The following CHST10 variants were observed in gnomAD, a reference collection of about 807,000 sequenced individuals.
The protein encoded by CHST10 is HNK-1 sulfotransferase.
Under a neutral mutation model 34.7 loss-of-function variants are expected in CHST10, and 24 were observed. The ratio of observed to expected loss-of-function variants is 0.69; its 90% CI spans 0.50 to 0.97. The LOEUF (loss-of-function observed/expected upper bound fraction) is 0.97. CHST10 is among the 50% of genes least tolerant of loss of function. The pLI is 0.00. For missense variants in CHST10, 402 were observed against 452.1 expected, an observed-to-expected ratio of 0.89 and a Z score of 1.00; for synonymous variants, 161 against 169.3, an observed-to-expected ratio of 0.95 and a Z score of 0.38.
intron 4 of CHST10, among the ~76,000 whole-genome samples, chr2:100,399,864 C>T (rs1045896171): frequency 1.3e-5 from 2 of 152,304 alleles, no homozygotes; most frequent in Admixed American, 1.3e-4. Context: ...GCGAGAGGCC[C>T]CTTTGCAGAG....
At chr2:100,407,662 C>G (rs1231296681) in intron 2 of CHST10, 1 of 152,214 alleles carries the variant, frequency 6.6e-6, no homozygotes, top group African/African-American at 2.4e-5. Flanking sequence ...AATCACTCTC[C>G]TTGTCTCAAC....
At chr2:100,412,148 T>G (rs900315897) in intron 2 of CHST10, among the ~76,000 whole-genome samples, 1 of 152,136 alleles carries the variant, frequency 6.6e-6, no homozygotes, top group Non-Finnish European at 1.5e-5. Context: ...AAAAAGCAAA[T>G]GCCCACTCAG....
intron 1 of CHST10, chr2:100,416,912 C>A: frequency 8.0e-7 from 1 of 1,255,796 alleles, no homozygotes; most frequent in Non-Finnish European, 1.1e-6. Flanking sequence ...CTCCTGACAG[C>A]GAAGATCAGA....
chr2:100,410,550 C>A (rs1675788742), intron 2 of CHST10, among the ~76,000 whole-genome samples: 1 of 152,204 alleles, frequency 6.6e-6, no homozygotes, highest in African/African-American at 2.4e-5. Flanking sequence ...TGGAAAGGTA[C>A]TTCAGGAGGC....
chr2:100,409,806 AT>A (rs1675746269), intron 2 of CHST10, among the ~76,000 whole-genome samples: 1 of 152,108 alleles, frequency 6.6e-6, no homozygotes, highest in Admixed American at 6.5e-5. Context: ...TCACATGGGT[AT>A]TTCATTTTCA....
chr2:100,417,377 A>G lies in CHST10; in HGVS notation c.-107T>C. ...GCCTGCGCGTCCCCGAGCTCACCCT[A>G]CTGGAGCGGCGCTCGTCCGGGTCCT... On this transcript the variant is annotated 5_prime_UTR_variant, in exon 1 of 7. Transcript: ENST00000264249. 3.2e-6 allele frequency: 1 copy of G among 316,566 alleles called. No individual in the cohort carries two copies. The highest frequency in any genetic ancestry group is 6.3e-6 in the Non-Finnish European group (1 of 159,760). The allele number at this position is 316,566 out of a possible 1,614,324, so 19.6% of individuals were successfully genotyped here.
intron 2 of CHST10, among the ~76,000 whole-genome samples, chr2:100,409,731 A>G (rs1675742923): frequency 6.6e-6 from 1 of 152,212 alleles, no homozygotes; most frequent in Non-Finnish European, 1.5e-5. Flanking sequence ...CTACCTGCAC[A>G]CTCATCAGTC....
At chr2:100,404,571 CG>C (rs930933933) in intron 3 of CHST10, among the ~76,000 whole-genome samples, 1 of 152,138 alleles carries the variant, frequency 6.6e-6, no homozygotes, top group African/African-American at 2.4e-5. Context: ...TTTTTCTAAC[CG>C]GGCCTACCCC....
rs191984878 is a variant in CHST10, at chr2:100,394,826, C to T, written c.533+683G>A. Among the ~76,000 whole-genome samples, 13 of 151,652 alleles carry T rather than the reference C, an allele frequency of 8.6e-5. 1 individual carries two copies. The highest frequency in any genetic ancestry group is 2.4e-4 in the African/African-American group (10 of 41,288). On this transcript the variant is annotated intron_variant, in intron 6 of 6. Transcript: ENST00000264249. ...GCAACCCTTGCCTCCAGGGTTCAAG[C>T]GATTCTCCTGCTTCAGCCTCCTGAG...
chr2:100,406,099 A>G (rs1301134471), intron 3 of CHST10, among the ~76,000 whole-genome samples: 1 of 152,204 alleles, frequency 6.6e-6, no homozygotes, highest in Non-Finnish European at 1.5e-5. Context: ...AAAGCCTCCA[A>G]GACAACCTGA....
In CHST10 at chr2:100,392,017, A is replaced by C. The variant is rs1437821368; in HGVS notation, c.*1228T>G. ...GGCTCAGGCTGGCACTCATCCCAGG[A>C]AACTGTCCCAGTTCTCAGCGGTCCT... On this transcript the variant is annotated 3_prime_UTR_variant, in exon 7 of 7. Transcript: ENST00000264249. The C allele has an allele frequency of 6.5e-6, 1 of 152,788 alleles. No individual in the cohort carries two copies. The highest frequency in any genetic ancestry group is 1.9e-4 in the East Asian group (1 of 5,186). 9.5% of individuals were successfully genotyped at this position (152,788 alleles called of 1,614,324 possible). A position where few individuals can be genotyped will look rare whatever the true frequency, so the allele number is the denominator to read the frequency against.
chr2:100,393,856 A>G (rs1303211079), intron 6 of CHST10, 74 bp from the exon 7 acceptor site: 10 of 1,270,094 alleles, frequency 7.9e-6, no homozygotes, highest in Admixed American at 1.8e-5. Flanking sequence ...GAGAGGGAAG[A>G]ATGAGCGGAG....
intron 2 of CHST10, 91 bp downstream of exon 2, chr2:100,414,950 G>C: frequency 1.2e-6 from 1 of 835,982 alleles, no homozygotes; most frequent in Non-Finnish European, 1.7e-6. Context: ...CTAATCAAGA[G>C]TTTACAATCT....
chr2:100,417,665 G>GCCTGCCCGCGCGCGTCC lies in CHST10; in HGVS notation c.-396_-395insGGACGCGCGCGGGCAGG, dbSNP rs1300569780. Reference sequence around the variant, plus strand: ...TCGCGCCTATCCGGCCGTGCGCGCCGCCTGCCCGCGCGCGTCCCCGCCGCC... The same window carrying GCCTGCCCGCGCGCGTCC: ...TCGCGCCTATCCGGCCGTGCGCGCCGCCTGCCCGCGCGCGTCCCCTGCCCGCGCGCGTCCCCGCCGCC... On this transcript the variant is annotated 5_prime_UTR_variant, in exon 1 of 7. Coordinates refer to ENST00000264249, the MANE Select transcript of CHST10 (RefSeq NM_004854.5). 4.0e-5 allele frequency: 6 copies of GCCTGCCCGCGCGCGTCC among 150,680 alleles called. No homozygotes were observed. Among genetic ancestry groups the GCCTGCCCGCGCGCGTCC allele is most frequent in the African/African-American group, 1.5e-4 (6 of 41,338 alleles). 9.3% of individuals were successfully genotyped at this position (150,680 alleles called of 1,614,324 possible).
At position 100,415,124 on chromosome 2, in the gene CHST10, AT is replaced by A; in HGVS notation, c.-103-14del. Reference sequence around the variant, plus strand: ...GTTCCTCTTGTCACTGGATAGGAAAATTAAAAAAAAAAAAGCATTATTAAAA... The same window carrying A: ...GTTCCTCTTGTCACTGGATAGGAAAATAAAAAAAAAAAAGCATTATTAAAA... On this transcript the variant is annotated splice_polypyrimidine_tract_variant and intron_variant, in intron 1 of 6. Coordinates refer to ENST00000264249, the MANE Select transcript of CHST10 (RefSeq NM_004854.5). The A allele has an allele frequency of 7.8e-7, 1 of 1,276,166 alleles. No individual in the cohort carries two copies. The highest frequency in any genetic ancestry group is 2.5e-5 in the Admixed American group (1 of 39,796). 79.1% of individuals were successfully genotyped at this position (1,276,166 alleles called of 1,614,324 possible).
At chr2:100,409,184 G>A (rs1251292996) in intron 2 of CHST10, among the ~76,000 whole-genome samples, 4 of 152,182 alleles carry the variant, frequency 2.6e-5, no homozygotes, top group East Asian at 1.9e-4. Context: ...ACCCTCGCCC[G>A]GCCTCAGGAC....
intron 2 of CHST10, among the ~76,000 whole-genome samples, chr2:100,413,826 A>G (rs1239422640): frequency 6.6e-6 from 1 of 152,062 alleles, no homozygotes; most frequent in Non-Finnish European, 1.5e-5. Context: ...ATGCGCATTC[A>G]CTTACTAAAG....
chr2:100,412,301 A>G (rs1159709224), intron 2 of CHST10, among the ~76,000 whole-genome samples: 2 of 152,120 alleles, frequency 1.3e-5, no homozygotes, highest in African/African-American at 2.4e-5. Context: ...GAGGATCCAC[A>G]TTATCTGGTG....
intron 3 of CHST10, among the ~76,000 whole-genome samples, chr2:100,406,356 C>T (rs1182054044): frequency 1.3e-5 from 2 of 152,226 alleles, no homozygotes; most frequent in Non-Finnish European, 2.9e-5. Context: ...CAGCTTCCTT[C>T]CTCCAGAGGA....
Sources: gnomAD v4.1 joint callset for allele counts (sites outside exome capture counted in the v4.1 genomes callset) on GRCh38, gnomAD v4.1.1 for gene constraint, MANE v1.5 for transcripts, NCBI Gene and HGNC (gene_info 2026-07-23, HGNC 2026-07-21) for gene names.